NOX4: variants seen among roughly 807,000 people sequenced by gnomAD.
NOX4 encodes the protein NADPH oxidase 4, also known as kidney oxidase-1.
A neutral mutation model predicts 87.6 loss-of-function variants in NOX4; 69 were observed. The ratio of observed to expected loss-of-function variants is 0.79; its 90% confidence interval spans 0.65 to 0.96. The LOEUF is 0.96. Ranked by LOEUF, NOX4 falls within the 40% of genes least tolerant of loss-of-function variation. NOX4 has a pLI of 0.00. For missense variants in NOX4, 680 were observed against 681.5 expected, an observed-to-expected ratio of 1.00 and a Z score of 0.02; for synonymous variants, 275 against 238.2, an observed-to-expected ratio of 1.15 and a Z score of -1.42.
intron 2 of NOX4, among the ~76,000 whole-genome samples, chr11:89,459,354 A>C (rs1297061646): frequency 6.6e-6 from 1 of 152,110 alleles, no homozygotes; most frequent in Non-Finnish European, 1.5e-5. Context: ...TATGCTTATT[A>C]CTTGGGTGAA....
At chr11:89,401,189 A>G (rs1454801171) in intron 9 of NOX4, among the ~76,000 whole-genome samples, 4 of 152,056 alleles carry the variant, frequency 2.6e-5, no homozygotes, top group Non-Finnish European at 5.9e-5. Context: ...TTTCATGCAG[A>G]CAGACCATGC....
At chr11:89,393,284 T>C (rs376001010) in intron 11 of NOX4, among the ~76,000 whole-genome samples, 2 of 152,134 alleles carry the variant, frequency 1.3e-5, no homozygotes, top group East Asian at 1.9e-4. Flanking sequence ...ACTGCCATGA[T>C]TGAAAAATCC....
intron 7 of NOX4, among the ~76,000 whole-genome samples, chr11:89,428,122 C>T (rs1759122191): frequency 6.6e-6 from 1 of 152,108 alleles, no homozygotes; most frequent in African/African-American, 2.4e-5. Flanking sequence ...CCAAACTAAG[C>T]TTCATAAGTG....
chr11:89,471,426 A>G (rs1390939063), intron 2 of NOX4, among the ~76,000 whole-genome samples: 2 of 152,200 alleles, frequency 1.3e-5, no homozygotes, highest in Non-Finnish European at 2.9e-5. Context: ...AAAAAGAGAA[A>G]CCACATAAAG....
intron 2 of NOX4, among the ~76,000 whole-genome samples, chr11:89,468,148 T>C (rs1172693692): frequency 6.6e-6 from 1 of 152,196 alleles, no homozygotes; most frequent in Non-Finnish European, 1.5e-5. Context: ...ACCTACACTC[T>C]GTTTGAATTC....
chr11:89,530,131 AAATGATCTGTGC>A, the NOX4 span, among the ~76,000 whole-genome samples: 789 of 152,020 alleles, frequency 5.2e-3, 8 homozygotes, highest in African/African-American at 0.018. Context: ...AATTGAGCTT[AAATGATCTGTGC>A]AAGGTTAAAC....
At chr11:89,584,638 G>A in the NOX4 span, among the ~76,000 whole-genome samples, 1 of 152,036 alleles carries the variant, frequency 6.6e-6, no homozygotes, top group Admixed American at 6.6e-5. Flanking sequence ...AATGCTTATT[G>A]GGAAATGATG....
At chr11:89,343,248 T>C (rs1316588205) in intron 13 of NOX4, among the ~76,000 whole-genome samples, 1 of 152,200 alleles carries the variant, frequency 6.6e-6, no homozygotes, top group Non-Finnish European at 1.5e-5. Context: ...GTTGGGATGC[T>C]ACAGAAAAAA....
At chr11:89,516,791 C>A in the NOX4 span, among the ~76,000 whole-genome samples, 1 of 152,136 alleles carries the variant, frequency 6.6e-6, no homozygotes, top group South Asian at 2.1e-4. Context: ...CAGTCATAAA[C>A]ACAATTCTTT....
At chr11:89,570,756 G>C in the NOX4 span, among the ~76,000 whole-genome samples, 2 of 152,174 alleles carry the variant, frequency 1.3e-5, no homozygotes, top group Non-Finnish European at 2.9e-5. Context: ...AGCCTAGGAG[G>C]TTGGTCCTGC....
At chr11:89,526,804 C>T in the NOX4 span, among the ~76,000 whole-genome samples, 2 of 152,142 alleles carry the variant, frequency 1.3e-5, no homozygotes, top group Non-Finnish European at 2.9e-5. Flanking sequence ...TATAAATTAC[C>T]CAGTCCCAGG....
upstream of NOX4, among the ~76,000 whole-genome samples, chr11:89,501,544 A>T (rs1194907483): frequency 6.6e-6 from 1 of 152,094 alleles, no homozygotes; most frequent in African/African-American, 2.4e-5. Flanking sequence ...GAAGCAAATA[A>T]GCAAGAATAC....
intron 13 of NOX4, among the ~76,000 whole-genome samples, chr11:89,346,997 C>G (rs1329379769): frequency 6.6e-6 from 1 of 152,148 alleles, no homozygotes; most frequent in Non-Finnish European, 1.5e-5. Flanking sequence ...ATTCCACACT[C>G]TAGTCAGAAT....
chr11:89,357,760 T>C (rs1938181185), intron 12 of NOX4, among the ~76,000 whole-genome samples: 1 of 152,186 alleles, frequency 6.6e-6, no homozygotes, highest in African/African-American at 2.4e-5. Flanking sequence ...TTCGGAATTC[T>C]TAATGCACAC....
intron 11 of NOX4, among the ~76,000 whole-genome samples, chr11:89,375,204 T>A (rs1460741575): frequency 1.3e-5 from 2 of 152,208 alleles, no homozygotes; most frequent in Non-Finnish European, 2.9e-5. Context: ...ATATTAAAAT[T>A]GAAATATTTT....
the NOX4 span, among the ~76,000 whole-genome samples, chr11:89,588,272 T>C: frequency 6.6e-6 from 1 of 152,192 alleles, no homozygotes; most frequent in Admixed American, 6.5e-5. Context: ...TGCTACCTCA[T>C]TGTCAATGGC....
intron 8 of NOX4, among the ~76,000 whole-genome samples, chr11:89,419,367 C>T (rs1233109179): frequency 6.6e-6 from 1 of 151,864 alleles, no homozygotes; most frequent in Non-Finnish European, 1.5e-5. Context: ...ATGTCTGTTT[C>T]CAACATTTGC....
chr11:89,363,563 T>A (rs1938698696), intron 12 of NOX4, among the ~76,000 whole-genome samples: 1 of 152,078 alleles, frequency 6.6e-6, no homozygotes, highest in East Asian at 1.9e-4. Context: ...TACAAAATTA[T>A]TTAAAAAGGG....
intron 2 of NOX4, among the ~76,000 whole-genome samples, chr11:89,489,378 T>A (rs1946757556): frequency 6.6e-6 from 1 of 152,176 alleles, no homozygotes; most frequent in African/African-American, 2.4e-5. Flanking sequence ...CAAAATCTAT[T>A]TTTTCAGGTT....
Sources: gnomAD v4.1 joint callset for allele counts (sites outside exome capture counted in the v4.1 genomes callset) on GRCh38, gnomAD v4.1.1 for gene constraint, MANE v1.5 for transcripts, NCBI Gene and HGNC (gene_info 2026-07-23, HGNC 2026-07-21) for gene names.